The following PLCB1 variants were observed in gnomAD, a reference collection of about 807,000 sequenced individuals.
PLCB1 encodes the protein phospholipase C beta 1, also known as 1-phosphatidylinositol 4,5-bisphosphate phosphodiesterase beta-1.
A neutral mutation model predicts 161.8 loss-of-function variants in PLCB1; 46 were observed. The observed-to-expected ratio is 0.28, with a 90% CI of 0.22 to 0.36. The LOEUF is 0.36. Among genes scored for constraint, PLCB1 ranks in the 10% least tolerant of loss-of-function variants. PLCB1 has a pLI of 1.00. For synonymous variants in PLCB1, 517 were observed against 503.7 expected (o/e 1.03, Z -0.35); for missense variants, 1,016 against 1,472.5 (o/e 0.69, Z 5.07).
chr20:8,780,543 A>C (rs1983164239), intron 27 of PLCB1, among the ~76,000 whole-genome samples: 1 of 152,062 alleles, frequency 6.6e-6, no homozygotes, highest in South Asian at 2.1e-4. Context: ...CTTTACATCA[A>C]ACTGAATGGC....
chr20:8,766,757 A>T (rs990794624), intron 26 of PLCB1, among the ~76,000 whole-genome samples: 1 of 152,032 alleles, frequency 6.6e-6, no homozygotes, highest in Non-Finnish European at 1.5e-5. Context: ...GTCACTGGGG[A>T]TCTTGTTAGG....
chr20:8,653,143 A>G (rs1203945570), intron 7 of PLCB1: 1 of 152,138 alleles, frequency 6.6e-6, no homozygotes, highest in Non-Finnish European at 1.5e-5. Context: ...ATTTTAACGA[A>G]GAAGATCAGG....
intron 3 of PLCB1, among the ~76,000 whole-genome samples, chr20:8,619,571 A>G (rs745709127): frequency 6.6e-6 from 1 of 152,308 alleles, no homozygotes; most frequent in Non-Finnish European, 1.5e-5. Flanking sequence ...TTAGAGTTTG[A>G]GGATTTAATT....
At chr20:8,524,480 G>A (rs944344515) in intron 3 of PLCB1, among the ~76,000 whole-genome samples, 1 of 152,118 alleles carries the variant, frequency 6.6e-6, no homozygotes, top group Non-Finnish European at 1.5e-5. Flanking sequence ...ATGCAAATTA[G>A]GATGAGAATA....
chr20:8,785,810 G>T (rs1012317594), intron 27 of PLCB1, among the ~76,000 whole-genome samples: 7 of 152,228 alleles, frequency 4.6e-5, no homozygotes, highest in African/African-American at 1.7e-4. Flanking sequence ...AACAGCACAT[G>T]TGAGCAGATG....
rs555776213 is a variant in PLCB1 at position 8,770,997 on chromosome 20, T to C, written c.2931-3542T>C. 1.6e-4 allele frequency among the ~76,000 whole-genome samples: 24 copies of C among 152,320 alleles called. No individual in the cohort carries two copies. In the South Asian group the frequency reaches 4.8e-3, roughly 30 times the overall value. ...AAGGTAACATCATAGAAGATTTGTA[T>C]GTAAAAATCCCATGAAAATAGAAAG... On this transcript the variant is annotated intron_variant, in intron 26 of 31. Transcript: ENST00000338037.
intron 2 of PLCB1, among the ~76,000 whole-genome samples, chr20:8,340,659 C>T (rs900346321): frequency 3.9e-5 from 6 of 152,146 alleles, no homozygotes; most frequent in South Asian, 2.1e-4. Flanking sequence ...CTCCTGACCT[C>T]GTGATCCGCC....
At chr20:8,144,712 T>A (rs1365794420) in intron 1 of PLCB1, among the ~76,000 whole-genome samples, 17 of 152,220 alleles carry the variant, frequency 1.1e-4, no homozygotes, top group Non-Finnish European at 2.5e-4. Context: ...CTGTGACCCT[T>A]AGAACTCTTT....
chr20:8,777,667 C>T (rs534443727), intron 27 of PLCB1, among the ~76,000 whole-genome samples: 9 of 150,348 alleles, frequency 6.0e-5, no homozygotes, highest in African/African-American at 9.8e-5. Context: ...TGCAGTGAGC[C>T]GAGATCATGC....
intron 14 of PLCB1, among the ~76,000 whole-genome samples, chr20:8,718,218 C>CAAA (rs143388119): frequency 9.5e-5 from 14 of 147,364 alleles, no homozygotes; most frequent in Admixed American, 2.0e-4. Context: ...GACTCCGTCT[C>CAAA]AAAAAAAAAA....
chr20:8,666,588 G>A (rs1989817371), intron 9 of PLCB1, among the ~76,000 whole-genome samples: 1 of 152,200 alleles, frequency 6.6e-6, no homozygotes, highest in South Asian at 2.1e-4. Flanking sequence ...TTTATTAGAA[G>A]AGGCAGTTTG....
chr20:8,663,014 T>A lies in PLCB1; in HGVS notation c.862+4310T>A, dbSNP rs188398234. On this transcript the variant is annotated intron_variant, in intron 9 of 31. Transcript: ENST00000338037. ...ATTCTTCTGCTGCTTTCATTTTAAC[T>A]GTTTTCAGATGTGCCCAGGTGTTAG... 3.6e-4 allele frequency among the ~76,000 whole-genome samples: 55 copies of A among 152,262 alleles called. No homozygotes were observed. The East Asian group carries it at 6.0e-3, about 17-fold the overall frequency.
intron 2 of PLCB1, among the ~76,000 whole-genome samples, chr20:8,258,403 C>T (rs1434228780): frequency 6.6e-6 from 1 of 152,168 alleles, no homozygotes; most frequent in African/African-American, 2.4e-5. Context: ...ATCTTTACTA[C>T]TAACTTCTTA....
At chr20:8,154,576 G>A (rs2051540908) in intron 2 of PLCB1, among the ~76,000 whole-genome samples, 2 of 152,160 alleles carry the variant, frequency 1.3e-5, no homozygotes, top group East Asian at 1.9e-4. Flanking sequence ...TTATATGAGT[G>A]GAACTGTTTT....
At chr20:8,636,533 AAAAG>A (rs1356869405) in intron 4 of PLCB1, among the ~76,000 whole-genome samples, 3 of 152,234 alleles carry the variant, frequency 2.0e-5, no homozygotes, top group Non-Finnish European at 4.4e-5. Context: ...CTCATAAGTC[AAAAG>A]AAAGACATTC....
intron 3 of PLCB1, among the ~76,000 whole-genome samples, chr20:8,627,033 T>C (rs1988371200): frequency 6.6e-6 from 1 of 152,206 alleles, no homozygotes; most frequent in African/African-American, 2.4e-5. Context: ...GTTTTAGTGA[T>C]AGCATTTGAT....
intron 2 of PLCB1, among the ~76,000 whole-genome samples, chr20:8,312,745 C>G (rs1161119888): frequency 6.6e-6 from 1 of 152,042 alleles, no homozygotes; most frequent in East Asian, 1.9e-4. Flanking sequence ...GGGACACATA[C>G]TGAAGTAATA....
intron 31 of PLCB1, among the ~76,000 whole-genome samples, chr20:8,790,821 T>C (rs576513102): frequency 5.3e-5 from 8 of 152,354 alleles, no homozygotes; most frequent in African/African-American, 1.7e-4. Flanking sequence ...CTTATGAATA[T>C]TAACTTTGAA....
chr20:8,268,837 A>ATT lies in PLCB1; in HGVS notation c.178-102538_178-102537dup, dbSNP rs66948763. ...TTGTTTTTTGTCATTTTCTCTATGT[A>ATT]TTTTTTTTAAATTCTCAATGCCTTG... On this transcript the variant is annotated intron_variant, in intron 2 of 31. Transcript: ENST00000338037. 1.1e-4 allele frequency among the ~76,000 whole-genome samples: 16 copies of ATT among 151,412 alleles called. No individual in the cohort carries two copies. The South Asian group carries it at 1.9e-3, about 18-fold the overall frequency.
Sources: gnomAD v4.1 joint callset for allele counts (sites outside exome capture counted in the v4.1 genomes callset) on GRCh38, gnomAD v4.1.1 for gene constraint, MANE v1.5 for transcripts, NCBI Gene and HGNC (gene_info 2026-07-23, HGNC 2026-07-21) for gene names.